CDKAL1: variants seen among roughly 807,000 people sequenced by gnomAD.
CDKAL1 encodes the protein threonylcarbamoyladenosine tRNA methylthiotransferase.
CDKAL1 carries 32 observed loss-of-function variants against 68.2 expected under a neutral mutation model. That is an observed-to-expected ratio of 0.47 (90% confidence interval 0.35 to 0.63). CDKAL1 has a LOEUF of 0.63. Ranked by LOEUF, CDKAL1 falls within the 30% of genes least tolerant of loss-of-function variation. The pLI is 0.00. For missense variants in CDKAL1, 606 were observed against 696.7 expected (o/e 0.87, Z 1.47); for synonymous variants, 234 against 244.3 (o/e 0.96, Z 0.39).
intron 11 of CDKAL1, among the ~76,000 whole-genome samples, chr6:21,051,012 T>C (rs1438526842): frequency 1.3e-5 from 2 of 152,194 alleles, no homozygotes; most frequent in African/African-American, 4.8e-5. Flanking sequence ...TCCTGACAAA[T>C]AGGATCAAGG....
chr6:20,968,763 T>TTCTGTC (rs991873338), intron 10 of CDKAL1, among the ~76,000 whole-genome samples: 8 of 152,092 alleles, frequency 5.3e-5, no homozygotes, highest in Non-Finnish European at 8.8e-5. Flanking sequence ...TTTTTATTAT[T>TTCTGTC]TCTGTCTCAT....
At chr6:20,849,521 T>C (rs1758890535) in intron 9 of CDKAL1, among the ~76,000 whole-genome samples, 1 of 148,482 alleles carries the variant, frequency 6.7e-6, no homozygotes, top group Non-Finnish European at 1.5e-5. Flanking sequence ...AGGCGGAGCT[T>C]GCAGTGAGCT....
At chr6:21,103,661 T>C (rs931787055) in intron 12 of CDKAL1, among the ~76,000 whole-genome samples, 2 of 152,216 alleles carry the variant, frequency 1.3e-5, no homozygotes, top group Non-Finnish European at 2.9e-5. Context: ...CTCTGTGGCC[T>C]GTACTTTGGG....
At chr6:20,903,578 A>G (rs752746456) in intron 9 of CDKAL1, among the ~76,000 whole-genome samples, 1 of 152,168 alleles carries the variant, frequency 6.6e-6, no homozygotes, top group Non-Finnish European at 1.5e-5. Context: ...TGCATTTTCT[A>G]TATACTTGAA....
At chr6:21,162,167 A>C (rs1163880413) in intron 13 of CDKAL1, among the ~76,000 whole-genome samples, 1 of 152,190 alleles carries the variant, frequency 6.6e-6, no homozygotes, top group Non-Finnish European at 1.5e-5. Context: ...TGCCAAGCCA[A>C]TTTAAGTCTT....
intron 9 of CDKAL1, among the ~76,000 whole-genome samples, chr6:20,905,052 A>G (rs780498562): frequency 7.9e-5 from 12 of 152,204 alleles, no homozygotes; most frequent in Non-Finnish European, 1.3e-4. Flanking sequence ...AAGGGATACA[A>G]AGAAACAAGA....
chr6:21,007,484 A>G (rs1191171759), intron 11 of CDKAL1, among the ~76,000 whole-genome samples: 1 of 14,806 alleles, frequency 6.8e-5, no homozygotes, highest in Non-Finnish European at 1.4e-4. Context: ...CCCTGTCTCA[A>G]AAAAAAAAAA....
At chr6:20,641,139 A>G (rs1161259778) in intron 4 of CDKAL1, among the ~76,000 whole-genome samples, 1 of 152,202 alleles carries the variant, frequency 6.6e-6, no homozygotes, top group Admixed American at 6.5e-5. Context: ...GGCAAGGGAA[A>G]AGTCCCTTGG....
Position 20,781,128 on chromosome 6 carries a change from A to T in CDKAL1, c.518-17A>T. ...GTGTAACTCTTGCTAATGTATATTT[A>T]TGTGCTTGATTTGAAGGTCACTCTG... On this transcript the variant is annotated splice_polypyrimidine_tract_variant and intron_variant, in intron 7 of 15. Transcript: ENST00000274695. 6.2e-7 allele frequency: 1 copy of T among 1,610,514 alleles called. No individual in the cohort carries two copies. Among genetic ancestry groups the T allele is most frequent in the Non-Finnish European group, 8.5e-7 (1 of 1,179,020 alleles).
chr6:20,593,961 T>C (rs1765706822), intron 4 of CDKAL1, among the ~76,000 whole-genome samples: 1 of 152,252 alleles, frequency 6.6e-6, no homozygotes, highest in East Asian at 1.9e-4. Flanking sequence ...AGCAGGTTGT[T>C]CAGTTTCCAC....
At chr6:21,103,632 C>T (rs59037968) in intron 12 of CDKAL1, among the ~76,000 whole-genome samples, 2,589 of 152,198 alleles carry the variant, frequency 0.017, 68 homozygotes, top group African/African-American at 0.059. Context: ...CATGTAATTA[C>T]TTTTAAATAT....
At chr6:21,046,471 C>G (rs1308494352) in intron 11 of CDKAL1, among the ~76,000 whole-genome samples, 1 of 152,226 alleles carries the variant, frequency 6.6e-6, no homozygotes, top group East Asian at 1.9e-4. Flanking sequence ...TGGTCACTCA[C>G]AGTCAGGAAG....
At position 20,714,111 on chromosome 6, in the gene CDKAL1, C is replaced by CTT. The variant is rs66460913; in HGVS notation, c.372-25401_372-25400dup. On this transcript the variant is annotated intron_variant, in intron 5 of 15. Coordinates refer to ENST00000274695, the MANE Select transcript of CDKAL1 (RefSeq NM_017774.3). ...TCTATCGACCAGGATGAAAGATGTT[C>CTT]TTTTTTTTATCATAATAACATGAAG... Among the ~76,000 whole-genome samples the CTT allele has an allele frequency of 6.7e-4, 101 of 151,410 alleles. 1 individual carries two copies. The highest frequency in any genetic ancestry group is 3.4e-3 in the Middle Eastern group (1 of 290).
chr6:20,652,426 G>A (rs1287638144), intron 5 of CDKAL1, among the ~76,000 whole-genome samples: 1 of 151,980 alleles, frequency 6.6e-6, no homozygotes, highest in African/African-American at 2.4e-5. Flanking sequence ...TTCTTTCTTT[G>A]TTCCCTCAAG....
At chr6:21,213,341 G>A (rs1032870432) in intron 15 of CDKAL1, among the ~76,000 whole-genome samples, 72 of 152,178 alleles carry the variant, frequency 4.7e-4, no homozygotes, top group Admixed American at 2.6e-3. Context: ...TGGTGATAGT[G>A]AAGATTTACT....
chr6:20,925,247 A>G (rs1175216634), intron 9 of CDKAL1, among the ~76,000 whole-genome samples: 5 of 152,246 alleles, frequency 3.3e-5, no homozygotes, highest in African/African-American at 1.2e-4. Flanking sequence ...TTTAAAATCA[A>G]GGTATGTACA....
At chr6:20,959,358 C>T (rs1449095699) in intron 10 of CDKAL1, among the ~76,000 whole-genome samples, 1 of 152,032 alleles carries the variant, frequency 6.6e-6, no homozygotes, top group Non-Finnish European at 1.5e-5. Flanking sequence ...TTATACAATG[C>T]TGTAGTAAAC....
chr6:21,020,908 G>T (rs575341678), intron 11 of CDKAL1, among the ~76,000 whole-genome samples: 2 of 151,402 alleles, frequency 1.3e-5, no homozygotes, highest in African/African-American at 4.9e-5. Context: ...TGTGTGCCAC[G>T]GTACCTGACA....
chr6:20,760,479 T>C (rs1201268789), intron 7 of CDKAL1, among the ~76,000 whole-genome samples: 1 of 152,200 alleles, frequency 6.6e-6, no homozygotes, highest in Non-Finnish European at 1.5e-5. Context: ...ACCTTCATAA[T>C]AGTACTGTGA....
Sources: allele counts gnomAD v4.1 joint callset (sites outside exome capture counted in the v4.1 genomes callset), GRCh38; gene constraint gnomAD v4.1.1; transcripts MANE v1.5; gene names NCBI Gene and HGNC (gene_info 2026-07-23, HGNC 2026-07-21).